The following RASAL2 variants were observed in gnomAD, a reference collection of about 807,000 sequenced individuals.
RASAL2 encodes RAS protein activator like 2.
In RASAL2, 58 loss-of-function variants were observed where a neutral mutation model predicts 128.9. The observed-to-expected ratio is 0.45, with a 90% CI of 0.36 to 0.56. RASAL2 has a LOEUF of 0.56. Among genes scored for constraint, RASAL2 ranks in the 20% least tolerant of loss-of-function variants. RASAL2 has a pLI of 0.00. For synonymous variants in RASAL2, 561 were observed against 580.8 expected, an observed-to-expected ratio of 0.97 and a Z score of 0.49; for missense variants, 1,360 against 1,601.6, an observed-to-expected ratio of 0.85 and a Z score of 2.57.
At chr1:178,360,873 A>G (rs1206226556) in intron 3 of RASAL2, among the ~76,000 whole-genome samples, 1 of 152,196 alleles carries the variant, frequency 6.6e-6, no homozygotes, top group Non-Finnish European at 1.5e-5. Context: ...ATAGAGTTTT[A>G]TCCCTTTGGT....
intron 3 of RASAL2, among the ~76,000 whole-genome samples, chr1:178,338,819 C>T (rs1669723637): frequency 6.6e-6 from 1 of 152,152 alleles, no homozygotes; most frequent in African/African-American, 2.4e-5. Flanking sequence ...CTGAGTGATA[C>T]AGTTTTCTCC....
chr1:178,428,795 T>A (rs371722550), intron 5 of RASAL2, among the ~76,000 whole-genome samples: 54 of 152,114 alleles, frequency 3.5e-4, no homozygotes, highest in African/African-American at 1.3e-3. Flanking sequence ...AACTACACAC[T>A]TGCCCCAGCC....
At chr1:178,438,122 G>GTA (rs1676375853) in intron 5 of RASAL2, among the ~76,000 whole-genome samples, 1 of 151,248 alleles carries the variant, frequency 6.6e-6, no homozygotes, top group Non-Finnish European at 1.5e-5. Context: ...GTGTGTGTGT[G>GTA]TGTGTGTGTG....
intron 1 of RASAL2, among the ~76,000 whole-genome samples, chr1:178,144,939 T>A (rs1660666091): frequency 6.6e-6 from 1 of 152,214 alleles, no homozygotes; most frequent in Non-Finnish European, 1.5e-5. Context: ...AGAACTGCTA[T>A]TATTTAGTAT....
chr1:178,375,865 T>C (rs1671960850), intron 3 of RASAL2, among the ~76,000 whole-genome samples: 1 of 152,128 alleles, frequency 6.6e-6, no homozygotes, highest in Non-Finnish European at 1.5e-5. Flanking sequence ...AGAAGACTAA[T>C]CCACATCCAG....
At chr1:178,209,697 CTCAT>C (rs1558116505) in intron 1 of RASAL2, among the ~76,000 whole-genome samples, 1 of 151,832 alleles carries the variant, frequency 6.6e-6, no homozygotes, top group Non-Finnish European at 1.5e-5. Context: ...TTCTCTCTCT[CTCAT>C]ATGATAACAT....
intron 5 of RASAL2, among the ~76,000 whole-genome samples, chr1:178,425,380 GAAAC>G (rs1418663480): frequency 3.3e-5 from 5 of 151,984 alleles, no homozygotes; most frequent in Admixed American, 1.3e-4. Context: ...ATTAATATGA[GAAAC>G]AAATATGAAC....
intron 1 of RASAL2, among the ~76,000 whole-genome samples, chr1:178,175,135 A>G (rs564878283): frequency 6.6e-6 from 1 of 152,338 alleles, no homozygotes; most frequent in South Asian, 2.1e-4. Context: ...CATTAATAAA[A>G]TAGGAAAGTA....
intron 1 of RASAL2, among the ~76,000 whole-genome samples, chr1:178,199,461 A>G (rs1035663494): frequency 6.6e-6 from 1 of 152,228 alleles, no homozygotes; most frequent in African/African-American, 2.4e-5. Context: ...GAATTCTTAA[A>G]TATGTGGACC....
chr1:178,442,192 A>G (rs1471214170), intron 7 of RASAL2, among the ~76,000 whole-genome samples: 1 of 152,134 alleles, frequency 6.6e-6, no homozygotes. Context: ...GGCAGGGACA[A>G]CTATCCAAAC....
intron 1 of RASAL2, among the ~76,000 whole-genome samples, chr1:178,237,319 G>A (rs891860369): frequency 3.3e-5 from 5 of 151,982 alleles, no homozygotes; most frequent in Non-Finnish European, 7.4e-5. Context: ...GCAGTATTGC[G>A]GAATAAAGGG....
chr1:178,336,188 CTT>C (rs149853262), intron 3 of RASAL2, among the ~76,000 whole-genome samples: 1 of 143,606 alleles, frequency 7.0e-6, no homozygotes, highest in Non-Finnish European at 1.5e-5. Flanking sequence ...CTTTTTCTTC[CTT>C]TTTTTTTTTA....
intron 1 of RASAL2, among the ~76,000 whole-genome samples, chr1:178,127,841 C>A (rs1286223497): frequency 2.0e-5 from 3 of 151,860 alleles, no homozygotes; most frequent in African/African-American, 7.3e-5. Context: ...GTGTTAATTT[C>A]TTTTTAAAGA....
chr1:178,417,337 A>G (rs941364215), intron 4 of RASAL2, among the ~76,000 whole-genome samples: 1 of 152,198 alleles, frequency 6.6e-6, no homozygotes, highest in Non-Finnish European at 1.5e-5. Flanking sequence ...TTAAATGGCA[A>G]GTTCCTTGAG....
In RASAL2 at chr1:178,456,713, T is replaced by A; in HGVS notation, c.2212-8T>A. The A allele has an allele frequency of 6.2e-7, 1 of 1,614,038 alleles. No individual in the cohort carries two copies. On this transcript the variant is annotated splice_polypyrimidine_tract_variant and splice_region_variant and intron_variant, in intron 12 of 17. Coordinates refer to ENST00000367649, the MANE Select transcript of RASAL2 (RefSeq NM_170692.4). ...TTATCCAATTAGGGTGAAAATTCCT[T>A]CCTACAGGCGACCGTGGCAAAATTG...
At chr1:178,216,180 A>G (rs1292066864) in intron 1 of RASAL2, among the ~76,000 whole-genome samples, 1 of 152,186 alleles carries the variant, frequency 6.6e-6, no homozygotes, top group Non-Finnish European at 1.5e-5. Context: ...CTCATCATCA[A>G]ACTCATTTTA....
chr1:178,162,370 AAT>A (rs1661342670), intron 1 of RASAL2, among the ~76,000 whole-genome samples: 1 of 119,428 alleles, frequency 8.4e-6, no homozygotes, highest in African/African-American at 3.3e-5. Flanking sequence ...ATATACATAT[AAT>A]ATATATTTAT....
intron 1 of RASAL2, among the ~76,000 whole-genome samples, chr1:178,274,316 C>CT (rs1666396141): frequency 6.6e-6 from 1 of 152,120 alleles, no homozygotes; most frequent in South Asian, 2.1e-4. Flanking sequence ...TTGAAAAGCT[C>CT]TAATTCTTTT....
chr1:178,388,948 T>A (rs1362099931), intron 3 of RASAL2, among the ~76,000 whole-genome samples: 1 of 152,184 alleles, frequency 6.6e-6, no homozygotes, highest in Non-Finnish European at 1.5e-5. Flanking sequence ...TATTTCTTTC[T>A]TGCTTGCTCT....
Sources: gnomAD v4.1 joint callset for allele counts (sites outside exome capture counted in the v4.1 genomes callset) on GRCh38, gnomAD v4.1.1 for gene constraint, MANE v1.5 for transcripts, NCBI Gene and HGNC (gene_info 2026-07-23, HGNC 2026-07-21) for gene names.